Variants in NEK11 observed in about 807,000 individuals in gnomAD.
The protein encoded by NEK11 is NIMA related kinase 11.
NEK11 carries 72 observed loss-of-function variants against 80.7 expected under a neutral mutation model. The observed-to-expected ratio is 0.89, with a 90% CI of 0.74 to 1.08. The LOEUF (loss-of-function observed/expected upper bound fraction) is 1.08. Ranked by LOEUF, NEK11 falls within the 50% of genes least tolerant of loss-of-function variation. NEK11 has a pLI of 0.00. For synonymous variants in NEK11, 251 were observed against 260.7 expected, an observed-to-expected ratio of 0.96 and a Z score of 0.36; for missense variants, 764 against 763.6, an observed-to-expected ratio of 1.00 and a Z score of -0.01.
intron 16 of NEK11, among the ~76,000 whole-genome samples, chr3:131,244,000 A>AT (rs368964446): frequency 3.4e-4 from 50 of 149,218 alleles, no homozygotes; most frequent in South Asian, 1.5e-3. Flanking sequence ...AGTTTCTTCT[A>AT]TTTTTTTTTT....
At chr3:131,165,047 A>G (rs922003335) in intron 11 of NEK11, among the ~76,000 whole-genome samples, 4 of 152,110 alleles carry the variant, frequency 2.6e-5, no homozygotes, top group African/African-American at 9.7e-5. Context: ...ATGTAGCTCT[A>G]GTTTTACTTT....
chr3:131,220,978 A>C (rs2095000184), intron 14 of NEK11, among the ~76,000 whole-genome samples: 1 of 152,170 alleles, frequency 6.6e-6, no homozygotes, highest in South Asian at 2.1e-4. Flanking sequence ...TGTGAAAAAG[A>C]GGAAAGGGGT....
At position 131,257,303 on chromosome 3, in the gene NEK11, T is replaced by A. The variant is rs375220821; in HGVS notation, c.1621+13807T>A. On this transcript the variant is annotated intron_variant, in intron 16 of 17. Transcript: ENST00000383366. ...GAACTACCATGTCCAGCCAAATTCA[T>A]CTTACTGGCAGAGGCTGGTCATATT... 3.3e-5 allele frequency among the ~76,000 whole-genome samples: 5 copies of A among 152,116 alleles called. No homozygotes were observed. The East Asian group carries it at 9.7e-4, about 29-fold the overall frequency.
At chr3:131,348,975 A>G (rs1052663848) in intron 17 of NEK11, among the ~76,000 whole-genome samples, 2 of 151,964 alleles carry the variant, frequency 1.3e-5, no homozygotes, top group Non-Finnish European at 2.9e-5. Flanking sequence ...TTATTTTGTT[A>G]TTATTAACTA....
intron 17 of NEK11, among the ~76,000 whole-genome samples, chr3:131,331,894 C>G (rs539651882): frequency 3.9e-5 from 6 of 152,204 alleles, no homozygotes; most frequent in Admixed American, 6.5e-5. Flanking sequence ...AACTGCAAGG[C>G]GGCAGCGAGG....
chr3:131,309,821 T>C (rs1035393235), intron 17 of NEK11, among the ~76,000 whole-genome samples: 25 of 151,396 alleles, frequency 1.7e-4, no homozygotes, highest in African/African-American at 6.1e-4. Context: ...TCATTCTTAC[T>C]AAAAATTAAA....
At chr3:131,197,064 T>C (rs1395508612) in intron 14 of NEK11, among the ~76,000 whole-genome samples, 1 of 152,064 alleles carries the variant, frequency 6.6e-6, no homozygotes, top group Non-Finnish European at 1.5e-5. Flanking sequence ...TTTAGTGAGC[T>C]CTCTTTCCTA....
chr3:131,290,626 G>A (rs1178571654), intron 17 of NEK11, among the ~76,000 whole-genome samples: 1 of 152,158 alleles, frequency 6.6e-6, no homozygotes, highest in Non-Finnish European at 1.5e-5. Flanking sequence ...CCCTGCTGCT[G>A]TCATGCTGCC....
chr3:131,282,684 TC>T (rs933418761), intron 17 of NEK11, among the ~76,000 whole-genome samples: 8 of 141,056 alleles, frequency 5.7e-5, no homozygotes, highest in African/African-American at 2.6e-4. Flanking sequence ...TTGAAATTTC[TC>T]CTTCACTTTC....
intron 7 of NEK11, among the ~76,000 whole-genome samples, chr3:131,140,957 G>T (rs764462715): frequency 6.6e-6 from 1 of 152,100 alleles, no homozygotes; most frequent in Non-Finnish European, 1.5e-5. Flanking sequence ...GTATGCTGGA[G>T]CTCATACCAG....
chr3:131,232,837 A>G (rs1254178128), intron 15 of NEK11, among the ~76,000 whole-genome samples: 1 of 152,130 alleles, frequency 6.6e-6, no homozygotes, highest in African/African-American at 2.4e-5. Flanking sequence ...TATTTCCAGA[A>G]TCTTCATTCT....
intron 7 of NEK11, among the ~76,000 whole-genome samples, chr3:131,141,410 T>C (rs906183435): frequency 2.0e-5 from 3 of 152,110 alleles, no homozygotes; most frequent in Non-Finnish European, 4.4e-5. Context: ...AGACCCAATG[T>C]CAATGACCAA....
chr3:131,216,875 G>T (rs557324485), intron 14 of NEK11, among the ~76,000 whole-genome samples: 1 of 152,350 alleles, frequency 6.6e-6, no homozygotes, highest in South Asian at 2.1e-4. Flanking sequence ...TGGGCGCAGA[G>T]GGGGCTCTTT....
At chr3:131,299,231 CAG>C (rs2096634706) in intron 17 of NEK11, among the ~76,000 whole-genome samples, 1 of 152,230 alleles carries the variant, frequency 6.6e-6, no homozygotes, top group Non-Finnish European at 1.5e-5. Flanking sequence ...TTGTTTGAAA[CAG>C]AGCCTCACTC....
At chr3:131,065,710 C>CT (rs892981810) in intron 3 of NEK11, among the ~76,000 whole-genome samples, 6 of 152,152 alleles carry the variant, frequency 3.9e-5, no homozygotes, top group Non-Finnish European at 2.9e-5. Context: ...TTTCCTGACT[C>CT]TAACTATAAA....
chr3:131,312,446 C>T (rs1426050925), intron 17 of NEK11, among the ~76,000 whole-genome samples: 2 of 152,116 alleles, frequency 1.3e-5, no homozygotes, highest in Non-Finnish European at 2.9e-5. Context: ...ATCTTCTAAG[C>T]TTCAACATAT....
chr3:131,035,131 G>A (rs2109404195), intron 3 of NEK11, among the ~76,000 whole-genome samples: 1 of 152,256 alleles, frequency 6.6e-6, no homozygotes, highest in South Asian at 2.1e-4. Flanking sequence ...ATAGTAAAAG[G>A]CCTACAAGTC....
chr3:131,061,801 A>C (rs544917358), intron 3 of NEK11, among the ~76,000 whole-genome samples: 2 of 152,290 alleles, frequency 1.3e-5, no homozygotes, highest in African/African-American at 4.8e-5. Flanking sequence ...GGCCAGACTA[A>C]GGACAACCTC....
intron 3 of NEK11, among the ~76,000 whole-genome samples, chr3:131,050,106 A>G (rs1388500991): frequency 3.3e-5 from 5 of 152,202 alleles, no homozygotes; most frequent in Non-Finnish European, 5.9e-5. Context: ...CTGCTTTGCC[A>G]TTAACCAGAC....
Sources: allele counts gnomAD v4.1 joint callset (sites outside exome capture counted in the v4.1 genomes callset), GRCh38; gene constraint gnomAD v4.1.1; transcripts MANE v1.5; gene names NCBI Gene and HGNC (gene_info 2026-07-23, HGNC 2026-07-21).